The following DDX60 variants were observed in gnomAD, a reference collection of about 807,000 sequenced individuals.
DDX60 encodes the protein probable ATP-dependent RNA helicase DDX60.
Under a neutral mutation model 212.8 loss-of-function variants are expected in DDX60, and 165 were observed. The observed-to-expected ratio is 0.78, with a 90% CI of 0.68 to 0.88. The LOEUF (loss-of-function observed/expected upper bound fraction) is 0.88. DDX60 is among the 40% of genes least tolerant of loss of function. The probability of loss-of-function intolerance (pLI) is 0.00; values close to 1 mark genes in which losing one functional copy is unlikely to be tolerated. For missense variants in DDX60, 1,905 were observed against 2,003.9 expected (o/e 0.95, Z 0.94); for synonymous variants, 703 against 685.3 (o/e 1.03, Z -0.40).
intron 37 of DDX60, among the ~76,000 whole-genome samples, chr4:168,217,960 T>C (rs1449654459): frequency 6.6e-6 from 1 of 152,176 alleles, no homozygotes; most frequent in Non-Finnish European, 1.5e-5. Flanking sequence ...ACTAGGTTTG[T>C]GGTAATTTGT....
chr4:168,279,008 C>T (rs1427232821), intron 14 of DDX60, among the ~76,000 whole-genome samples: 2 of 152,156 alleles, frequency 1.3e-5, no homozygotes, highest in African/African-American at 4.8e-5. Context: ...ATAGAACCTA[C>T]ACATTCATAA....
chr4:168,291,803 C>G lies in DDX60; in HGVS notation c.986G>C (p.Cys329Ser), dbSNP rs748512828. ...LLHLPLSQRA[C>S]ARVITSHWAE... is the part of the protein sequence containing the mutation. ...CCAATGGGAAGTGATGACTCTAGCA[C>G]AAGCTCTTTGAGAAAGAGGCAGATG... Residue 329 changes from cysteine (C) to serine (S), a missense_variant, in exon 8 of 38, where the codon TGT becomes TCT. Coordinates refer to ENST00000393743, the MANE Select transcript of DDX60 (RefSeq NM_017631.6). 3.0e-5 allele frequency: 48 copies of G among 1,613,570 alleles called. No individual in the cohort carries two copies. The highest frequency in any genetic ancestry group is 3.9e-5 in the Non-Finnish European group (46 of 1,179,814).
chr4:168,309,501 A>G lies in DDX60; in HGVS notation c.75-1306T>C, dbSNP rs553389779. 5.9e-5 allele frequency among the ~76,000 whole-genome samples: 9 copies of G among 151,892 alleles called. No homozygotes were observed. The East Asian group carries it at 1.5e-3, about 26-fold the overall frequency. ...CATAAAAATCTTGCATTTTTTGTGA[A>G]AGGCTTTTTTTTTAATCTCACATTG... On this transcript the variant is annotated intron_variant, in intron 3 of 37. Coordinates refer to ENST00000393743, the MANE Select transcript of DDX60 (RefSeq NM_017631.6).
intron 17 of DDX60, 65 bp from the exon 18 acceptor site, chr4:168,273,463 C>G (rs895932416): frequency 3.1e-6 from 5 of 1,591,718 alleles, no homozygotes; most frequent in African/African-American, 1.3e-5. Flanking sequence ...CAGAGGACAA[C>G]AAGAACTGTC....
chr4:168,241,079 C>T (rs1733820245), intron 30 of DDX60, among the ~76,000 whole-genome samples: 1 of 152,184 alleles, frequency 6.6e-6, no homozygotes, highest in Non-Finnish European at 1.5e-5. Context: ...AGGAATTCCC[C>T]TGCACAAGCT....
At chr4:168,255,016 T>C (rs1379612254) in intron 26 of DDX60, among the ~76,000 whole-genome samples, 2 of 152,140 alleles carry the variant, frequency 1.3e-5, no homozygotes, top group East Asian at 1.9e-4. Context: ...TCAATTCAAA[T>C]GTGTGCAAGA....
At chr4:168,289,828 T>A (rs1451843535) in intron 8 of DDX60, among the ~76,000 whole-genome samples, 2 of 152,140 alleles carry the variant, frequency 1.3e-5, no homozygotes, top group African/African-American at 4.8e-5. Flanking sequence ...CTTAAATAAC[T>A]CTTAAAATTG....
chr4:168,288,060 A>C (rs1052112906), intron 9 of DDX60, 114 bp downstream of exon 9: 4 of 653,368 alleles, frequency 6.1e-6, no homozygotes, highest in Non-Finnish European at 9.8e-6. Flanking sequence ...AACAAAGATG[A>C]AAATAATTGC....
intron 5 of DDX60, among the ~76,000 whole-genome samples, chr4:168,303,746 G>T (rs1186662525): frequency 6.6e-6 from 1 of 152,154 alleles, no homozygotes; most frequent in African/African-American, 2.4e-5. Flanking sequence ...CACTTTGGGA[G>T]GCCAAGACGG....
At position 168,246,545 on chromosome 4, in the gene DDX60, T is replaced by C. The variant is rs1734030293; in HGVS notation, c.4037A>G (p.Lys1346Arg). 11 of 1,614,086 alleles carry C rather than the reference T, an allele frequency of 6.8e-6. No homozygotes were observed. Among genetic ancestry groups the C allele is most frequent in the Non-Finnish European group, 9.3e-6 (11 of 1,179,994 alleles). ...DVYFFDIPFP[K>R]IGKLIKSNVP... ...ATTGGATTTTATGAGTTTTCCTATT[T>C]TGGGGAATGGAATATCAAAGAAATA... The change falls in exon 30 of 38, where the codon AAA (lysine) becomes AGA (arginine). Residue 1346 changes from lysine (K) to arginine (R), a missense_variant. By Grantham distance (26) the Lys-to-Arg change is conservative (BLOSUM62 2). Coordinates refer to ENST00000393743, the MANE Select transcript of DDX60 (RefSeq NM_017631.6).
At position 168,283,530 on chromosome 4, in the gene DDX60, T is replaced by A; in HGVS notation, c.1638A>T (p.Leu546Phe). 6.2e-7 allele frequency: 1 copy of A among 1,613,502 alleles called. No homozygotes were observed. Among genetic ancestry groups the A allele is most frequent in the Non-Finnish European group, 8.5e-7 (1 of 1,179,620 alleles). The change falls in exon 13 of 38, where the codon TTA becomes TTT. Residue 546 changes from leucine to phenylalanine, a missense_variant. By Grantham distance (22) the Leu-to-Phe change is conservative. Transcript: ENST00000393743. ...HVFQRFYGNS[L>F]ETVSSKIIVT... is the part of the protein sequence containing the mutation. Reference sequence around the variant, plus strand: ...CGATGATTTTCGAAGAGACTGTTTCTAATGAATTCCCATAAAACCGTTGGA... The same window carrying A: ...CGATGATTTTCGAAGAGACTGTTTCAAATGAATTCCCATAAAACCGTTGGA...
chr4:168,256,820 T>C (rs1734431946), intron 25 of DDX60, among the ~76,000 whole-genome samples: 1 of 152,246 alleles, frequency 6.6e-6, no homozygotes, highest in Admixed American at 6.5e-5. Flanking sequence ...ATTTGGTTTG[T>C]ATAATAAAGC....
chr4:168,308,915 T>G (rs370146991), intron 3 of DDX60, among the ~76,000 whole-genome samples: 22 of 152,110 alleles, frequency 1.4e-4, no homozygotes, highest in East Asian at 7.7e-4. Flanking sequence ...ATATGTAGTC[T>G]ATTTTAGCAT....
intron 10 of DDX60, among the ~76,000 whole-genome samples, chr4:168,286,678 T>C (rs1735876832): frequency 6.6e-6 from 1 of 151,978 alleles, no homozygotes. Flanking sequence ...TTTCAGCCCC[T>C]AGGATGTTTT....
intron 19 of DDX60, among the ~76,000 whole-genome samples, chr4:168,269,848 C>A (rs993944446): frequency 6.6e-6 from 1 of 152,092 alleles, no homozygotes; most frequent in Non-Finnish European, 1.5e-5. Context: ...AGAGCTTTCA[C>A]GTATATTATT....
At chr4:168,258,158 G>A (rs532152837) in intron 25 of DDX60, among the ~76,000 whole-genome samples, 178 of 99,914 alleles carry the variant, frequency 1.8e-3, no homozygotes, top group African/African-American at 6.3e-3. Context: ...GAATGAATGC[G>A]ACCTAGAGAT....
chr4:168,318,433 C>G (rs1326601914), intron 1 of DDX60, among the ~76,000 whole-genome samples, 189 bp downstream of exon 1: 1 of 152,274 alleles, frequency 6.6e-6, no homozygotes, highest in Admixed American at 6.5e-5. Flanking sequence ...CTCCCCACGC[C>G]CGGCCTTCCG....
At chr4:168,277,247 C>G (rs763809841) in intron 14 of DDX60, among the ~76,000 whole-genome samples, 36 of 152,096 alleles carry the variant, frequency 2.4e-4, no homozygotes, top group Admixed American at 1.5e-3. Flanking sequence ...AAGAACTCAG[C>G]GTGCCAGGGA....
intron 23 of DDX60, among the ~76,000 whole-genome samples, 173 bp from the exon 24 acceptor site, chr4:168,262,301 CA>C (rs1246058870): frequency 6.6e-6 from 1 of 151,810 alleles, no homozygotes; most frequent in African/African-American, 2.4e-5. Flanking sequence ...ATGAGCTCTT[CA>C]AAAGAGAGGA....
Sources: gnomAD v4.1 joint callset for allele counts (sites outside exome capture counted in the v4.1 genomes callset) on GRCh38, gnomAD v4.1.1 for gene constraint, MANE v1.5 for transcripts, NCBI Gene and HGNC (gene_info 2026-07-23, HGNC 2026-07-21) for gene names.